The following VEPH1 variants were observed in gnomAD, a reference collection of about 807,000 sequenced individuals.
VEPH1 encodes ventricular zone-expressed PH domain-containing protein homolog 1.
VEPH1 carries 80 observed loss-of-function variants against 85.2 expected under a neutral mutation model. That is an observed-to-expected ratio of 0.94 (90% CI 0.78 to 1.13). VEPH1 has a LOEUF of 1.13. Ranked by LOEUF, VEPH1 falls within the 50% of genes most tolerant of loss-of-function variation. VEPH1 has a pLI of 0.00. For missense variants in VEPH1, 955 were observed against 980.5 expected (o/e 0.97, Z 0.35); for synonymous variants, 297 against 348.0 (o/e 0.85, Z 1.63).
intron 11 of VEPH1, among the ~76,000 whole-genome samples, chr3:157,298,360 T>G (rs1718378953): frequency 6.6e-6 from 1 of 152,148 alleles, no homozygotes; most frequent in Non-Finnish European, 1.5e-5. Flanking sequence ...TGCCTCTGTT[T>G]TGATGTTTTA....
At chr3:157,376,950 G>A (rs1728190796) in intron 7 of VEPH1, among the ~76,000 whole-genome samples, 1 of 152,076 alleles carries the variant, frequency 6.6e-6, no homozygotes, top group Admixed American at 6.5e-5. Context: ...GCATGCTTTA[G>A]ACAAAAGTGC....
At chr3:157,438,037 G>GCGCGCACACACACACA in intron 4 of VEPH1, 2 of 514,744 alleles carry the variant, frequency 3.9e-6, no homozygotes, top group South Asian at 4.9e-5. Context: ...GCGCGCGCGC[G>GCGCGCACACACACACA]CACACACACA....
chr3:157,438,033 G>C, intron 4 of VEPH1: 6 of 793,750 alleles, frequency 7.6e-6, no homozygotes, highest in Non-Finnish European at 1.1e-5. Context: ...GCGCGCGCGC[G>C]CGCGCACACA....
At chr3:157,286,355 T>A in intron 12 of VEPH1, 1 of 608,134 alleles carries the variant, frequency 1.6e-6, no homozygotes, top group South Asian at 1.9e-5. Flanking sequence ...AGGGATTGTT[T>A]CTCTGCCTCC....
chr3:157,471,714 CT>C (rs72302538), intron 2 of VEPH1, among the ~76,000 whole-genome samples: 27,369 of 142,172 alleles, frequency 0.19, 2,891 homozygotes, highest in East Asian at 0.37. Flanking sequence ...GTGACCTCAT[CT>C]TTTTTTTTTT....
At chr3:157,446,301 C>G (rs2109273189) in intron 4 of VEPH1, among the ~76,000 whole-genome samples, 1 of 152,090 alleles carries the variant, frequency 6.6e-6, no homozygotes, top group Middle Eastern at 3.4e-3. Flanking sequence ...GCCCTCAGTC[C>G]CACGCAAACT....
chr3:157,327,153 A>C (rs1354450884), intron 9 of VEPH1, among the ~76,000 whole-genome samples: 1 of 152,070 alleles, frequency 6.6e-6, no homozygotes, highest in Non-Finnish European at 1.5e-5. Context: ...GTGAAAAAAA[A>C]CCATTATCCT....
chr3:157,267,102 CTTTTT>C (rs10537483), intron 12 of VEPH1, among the ~76,000 whole-genome samples: 1 of 124,676 alleles, frequency 8.0e-6, no homozygotes, highest in African/African-American at 3.0e-5. Flanking sequence ...TCTTTTTTTT[CTTTTT>C]TTTTTTTTTT....
chr3:157,448,518 C>A lies in VEPH1; in HGVS notation c.529+11663G>T, dbSNP rs73873694. On this transcript the variant is annotated intron_variant, in intron 4 of 13. Coordinates refer to ENST00000362010, the MANE Select transcript of VEPH1 (RefSeq NM_001167912.2). The stretch of plus-strand genomic sequence containing the variant: ...ATTTTAAAAGGGCTTCCCTATAAAC[C>A]CTCAGATAATCCACTGCAGTTGTAG... 4.0e-3 allele frequency among the ~76,000 whole-genome samples: 616 copies of A among 152,178 alleles called. 4 individuals are homozygous for A. The highest frequency in any genetic ancestry group is 0.014 in the African/African-American group (587 of 41,532).
At chr3:157,503,078 C>T (rs1292391453) in intron 1 of VEPH1, among the ~76,000 whole-genome samples, 199 bp downstream of exon 1, 1 of 152,176 alleles carries the variant, frequency 6.6e-6, no homozygotes, top group South Asian at 2.1e-4. Context: ...CATTTTTACT[C>T]TAATAACCGA....
chr3:157,305,078 C>A (rs62281375), intron 11 of VEPH1, among the ~76,000 whole-genome samples: 2 of 52,384 alleles, frequency 3.8e-5, no homozygotes, highest in Non-Finnish European at 3.8e-5. Context: ...CTTCCTATCT[C>A]TCTATTTCAT....
chr3:157,389,998 T>C (rs910181812), intron 6 of VEPH1, among the ~76,000 whole-genome samples: 1 of 152,336 alleles, frequency 6.6e-6, no homozygotes, highest in East Asian at 1.9e-4. Context: ...TCCTAATCCA[T>C]GTGAGCATTG....
intron 4 of VEPH1, chr3:157,443,040 T>A: frequency 6.5e-7 from 1 of 1,529,978 alleles, no homozygotes; most frequent in Non-Finnish European, 8.8e-7. Context: ...ACATGCCAGT[T>A]GGGAAGGTCT....
chr3:157,483,412 C>G (rs1738317411), intron 2 of VEPH1, among the ~76,000 whole-genome samples: 2 of 151,892 alleles, frequency 1.3e-5, no homozygotes, highest in African/African-American at 4.8e-5. Flanking sequence ...GCAATATGAG[C>G]ACATGTAAGC....
chr3:157,428,600 G>T, intron 4 of VEPH1, 112 bp from the exon 5 acceptor site: 2 of 958,834 alleles, frequency 2.1e-6, no homozygotes, highest in Non-Finnish European at 3.1e-6. Flanking sequence ...AGCACAGACT[G>T]ATGGCCAATT....
rs770415901 is a variant in VEPH1, at chr3:157,381,338, T to C, written c.945A>G (p.Gln315=). The change falls in exon 7 of 14, where the codon CAA becomes CAG. Residue 315 remains glutamine (Q), a synonymous_variant. Coordinates refer to ENST00000362010, the MANE Select transcript of VEPH1 (RefSeq NM_001167912.2). ...ARSCLTYLVS[Q]LANMEHSFHH... ...GAAACGAATGCTCCATGTTGGCCAGTTGGCTCACCAGGTATGTCAGGCAGC... is the reference window on the plus strand; with the variant it reads ...GAAACGAATGCTCCATGTTGGCCAGCTGGCTCACCAGGTATGTCAGGCAGC... 2.3e-5 allele frequency: 37 copies of C among 1,614,084 alleles called. No individual in the cohort carries two copies. Among genetic ancestry groups the C allele is most frequent in the Non-Finnish European group, 3.0e-5 (35 of 1,180,038 alleles).
intron 7 of VEPH1, among the ~76,000 whole-genome samples, chr3:157,367,103 T>C (rs919920491): frequency 1.3e-4 from 20 of 152,232 alleles, no homozygotes; most frequent in African/African-American, 4.6e-4. Flanking sequence ...CGGTTGCTGA[T>C]ACAATTTAAA....
At chr3:157,437,855 A>T in intron 4 of VEPH1, 1 of 1,498,288 alleles carries the variant, frequency 6.7e-7, no homozygotes, top group Non-Finnish European at 8.8e-7. Context: ...GAGCTGCGGC[A>T]GACGCGAGCC....
At chr3:157,341,230 C>A (rs1345961528) in intron 9 of VEPH1, among the ~76,000 whole-genome samples, 1 of 152,160 alleles carries the variant, frequency 6.6e-6, no homozygotes, top group African/African-American at 2.4e-5. Flanking sequence ...CTTCTCCGAG[C>A]TAAAGGAGGA....
Sources: gnomAD v4.1 joint callset for allele counts (sites outside exome capture counted in the v4.1 genomes callset) on GRCh38, gnomAD v4.1.1 for gene constraint, MANE v1.5 for transcripts, NCBI Gene and HGNC (gene_info 2026-07-23, HGNC 2026-07-21) for gene names.